The following AXDND1 variants were observed in gnomAD, a reference collection of about 807,000 sequenced individuals.
AXDND1 encodes the protein axonemal dynein light chain domain containing 1, also known as axonemal dynein light chain domain-containing protein 1.
Under a neutral mutation model 137.5 loss-of-function variants are expected in AXDND1, and 110 were observed. The observed-to-expected ratio is 0.80, with a 90% CI of 0.69 to 0.94. The LOEUF (loss-of-function observed/expected upper bound fraction) is 0.94, where lower values mean the gene tolerates loss of function less well. Among genes scored for constraint, AXDND1 ranks in the 40% least tolerant of loss-of-function variants. AXDND1 has a pLI of 0.00. For missense variants in AXDND1, 1,191 were observed against 1,169.8 expected (o/e 1.02, Z -0.26); for synonymous variants, 414 against 399.7 (o/e 1.04, Z -0.43).
At chr1:179,428,505 T>A (rs551714319) in intron 12 of AXDND1, among the ~76,000 whole-genome samples, 1 of 152,384 alleles carries the variant, frequency 6.6e-6, no homozygotes. Flanking sequence ...TATTAGTGGT[T>A]CTCAAAGTAT....
chr1:179,411,207 A>G lies in AXDND1; in HGVS notation c.1171A>G (p.Lys391Glu), dbSNP rs1653811706. The G allele has an allele frequency of 6.2e-7, 1 of 1,612,510 alleles. No homozygotes were observed. The highest frequency in any genetic ancestry group is 1.1e-5 in the South Asian group (1 of 90,746). Residue 391 changes from lysine to glutamate, a missense_variant, in exon 12 of 26, where the codon AAA becomes GAA. Coordinates refer to ENST00000367618, the MANE Select transcript of AXDND1 (RefSeq NM_144696.6). Reference protein sequence around the residue: ...LQRERMENDMKKLVAERDIWS... With the variant: ...LQRERMENDMEKLVAERDIWS... ...AAGAGAAAGGATGGAGAATGATATGAAAAAGTTAGTGGCAGAAAGAGATAT... is the reference window on the plus strand; with the variant it reads ...AAGAGAAAGGATGGAGAATGATATGGAAAAGTTAGTGGCAGAAAGAGATAT...
intron 15 of AXDND1, among the ~76,000 whole-genome samples, chr1:179,443,790 A>G (rs1233317493): frequency 2.0e-5 from 3 of 152,144 alleles, no homozygotes; most frequent in Non-Finnish European, 2.9e-5. Flanking sequence ...CATTTTGTTT[A>G]TACATTAATA....
intron 9 of AXDND1, among the ~76,000 whole-genome samples, chr1:179,386,174 C>G (rs1649188386): frequency 6.6e-6 from 1 of 151,186 alleles, no homozygotes; most frequent in African/African-American, 2.4e-5. Context: ...GCCTCAGCCT[C>G]CCGAGTAGCT....
At chr1:179,459,401 G>T (rs900025071) in intron 16 of AXDND1, among the ~76,000 whole-genome samples, 2 of 152,074 alleles carry the variant, frequency 1.3e-5, no homozygotes, top group Non-Finnish European at 2.9e-5. Flanking sequence ...CATAGGATAA[G>T]ATAATGTTTA....
intron 2 of AXDND1, among the ~76,000 whole-genome samples, chr1:179,367,197 G>C (rs1667516623): frequency 6.6e-6 from 1 of 151,136 alleles, no homozygotes; most frequent in Non-Finnish European, 1.5e-5. Flanking sequence ...TTCCAGTCTG[G>C]GAGACAAGAG....
chr1:179,408,354 G>A (rs772144752), intron 11 of AXDND1, among the ~76,000 whole-genome samples: 21 of 149,788 alleles, frequency 1.4e-4, no homozygotes, highest in Admixed American at 2.7e-4. Flanking sequence ...TGATTTAATC[G>A]TCATTTTTTT....
In AXDND1 at chr1:179,390,516, CTATT is replaced by C. The variant is rs1030505601; in HGVS notation, c.864-3383_864-3380del. Among the ~76,000 whole-genome samples the C allele has an allele frequency of 7.9e-5, 12 of 152,254 alleles. 1 individual carries two copies. Among genetic ancestry groups the C allele is most frequent in the Admixed American group, 4.6e-4 (7 of 15,292 alleles). On this transcript the variant is annotated intron_variant, in intron 9 of 25. Coordinates refer to ENST00000367618, the MANE Select transcript of AXDND1 (RefSeq NM_144696.6). The stretch of plus-strand genomic sequence containing the variant: ...AAAATGGCTTTATTCATGAATTTAA[CTATT>C]TATAAGAATCTCACTATACGTTAAG...
intron 17 of AXDND1, among the ~76,000 whole-genome samples, chr1:179,469,931 T>C (rs1035485756): frequency 2.6e-5 from 4 of 152,224 alleles, no homozygotes; most frequent in African/African-American, 9.6e-5. Context: ...CCCTATGTTT[T>C]TTTGTAAGAG....
rs116770169 is a variant in AXDND1 at position 179,481,815 on chromosome 1, G to A, written c.1998-1313G>A. Reference sequence around the variant, plus strand: ...TCAATAATTCTCTGGGGCATATATTGTGCTAAAACTACTTTCATGTAGTTT... The same window carrying A: ...TCAATAATTCTCTGGGGCATATATTATGCTAAAACTACTTTCATGTAGTTT... On this transcript the variant is annotated intron_variant, in intron 17 of 25. Coordinates refer to ENST00000367618, the MANE Select transcript of AXDND1 (RefSeq NM_144696.6). Among the ~76,000 whole-genome samples, 783 of 152,242 alleles carry A rather than the reference G, an allele frequency of 5.1e-3. 6 individuals carry two copies. Among genetic ancestry groups the A allele is most frequent in the African/African-American group, 0.018 (736 of 41,536 alleles).
chr1:179,373,500 A>G lies in AXDND1; in HGVS notation c.374+3422A>G, dbSNP rs1668249440. 2.6e-5 allele frequency among the ~76,000 whole-genome samples: 4 copies of G among 152,354 alleles called. No homozygotes were observed. In the South Asian group the frequency reaches 8.3e-4, roughly 32 times the overall value. On this transcript the variant is annotated intron_variant, in intron 4 of 25. Transcript: ENST00000367618. The stretch of plus-strand genomic sequence containing the variant: ...ATTTTAAATTTCATACGGAACCAAA[A>G]AAGAGCCCACAGAGCCAAGACAAGC...
intron 21 of AXDND1, 148 bp downstream of exon 21, chr1:179,509,551 C>G (rs1668831525): frequency 1.7e-6 from 1 of 572,340 alleles, no homozygotes; most frequent in Non-Finnish European, 3.1e-6. Flanking sequence ...AGATCTTTCA[C>G]AGCTCTTCTT....
chr1:179,553,995 C>T (rs937736007), intron 25 of AXDND1, among the ~76,000 whole-genome samples: 3 of 151,568 alleles, frequency 2.0e-5, no homozygotes, highest in African/African-American at 7.3e-5. Context: ...TCACTGAAAC[C>T]TCTGCCTCTC....
At chr1:179,422,738 C>G (rs1202922385) in intron 12 of AXDND1, among the ~76,000 whole-genome samples, 1 of 152,084 alleles carries the variant, frequency 6.6e-6, no homozygotes, top group East Asian at 1.9e-4. Context: ...AAATCCCCCA[C>G]TATTATTATA....
Position 179,430,456 on chromosome 1 carries a change from C to G in AXDND1, c.1337C>G (p.Thr446Ser). ...GATTCTATGCATTTTATATAGGACACTGAAGACCTTGCACTGTTGCAGAAG... is the reference window on the plus strand; with the variant it reads ...GATTCTATGCATTTTATATAGGACAGTGAAGACCTTGCACTGTTGCAGAAG... ...HFIILLSNKD[T>S]EDLALLQKLT... Residue 446 changes from threonine to serine, a missense_variant, in exon 14 of 26, where the codon ACT becomes AGT. Coordinates refer to ENST00000367618, the MANE Select transcript of AXDND1 (RefSeq NM_144696.6). The G allele has an allele frequency of 6.2e-7, 1 of 1,609,424 alleles. No homozygotes were observed. The highest frequency in any genetic ancestry group is 8.5e-7 in the Non-Finnish European group (1 of 1,178,118).
At chr1:179,400,182 T>C (rs2125164960) in intron 11 of AXDND1, among the ~76,000 whole-genome samples, 1 of 152,260 alleles carries the variant, frequency 6.6e-6, no homozygotes, top group African/African-American at 2.4e-5. Flanking sequence ...CAAATGCCCA[T>C]CAATCAACGA....
chr1:179,456,200 C>G (rs1661382413), intron 16 of AXDND1: 1 of 778,152 alleles, frequency 1.3e-6, no homozygotes, highest in Non-Finnish European at 2.2e-6. Flanking sequence ...TGGATCTCCT[C>G]TCCTGCTAAG....
At chr1:179,492,096 CAG>C (rs1317251497) in intron 19 of AXDND1, among the ~76,000 whole-genome samples, 1 of 152,068 alleles carries the variant, frequency 6.6e-6, no homozygotes, top group African/African-American at 2.4e-5. Context: ...TTTTTTTAGA[CAG>C]AGTTTTCTTC....
chr1:179,438,796 C>T (rs938034705), intron 15 of AXDND1, among the ~76,000 whole-genome samples: 1 of 152,200 alleles, frequency 6.6e-6, no homozygotes. Flanking sequence ...GCTGGTCCTT[C>T]CTAGCTGCCA....
At chr1:179,511,556 C>T (rs1327882722) in intron 21 of AXDND1, among the ~76,000 whole-genome samples, 1 of 151,984 alleles carries the variant, frequency 6.6e-6, no homozygotes, top group African/African-American at 2.4e-5. Context: ...ATAATGACTT[C>T]TTTTCCTCTG....
Sources: gnomAD v4.1 joint callset for allele counts (sites outside exome capture counted in the v4.1 genomes callset) on GRCh38, gnomAD v4.1.1 for gene constraint, MANE v1.5 for transcripts, NCBI Gene and HGNC (gene_info 2026-07-23, HGNC 2026-07-21) for gene names.